The following FOXK1 variants were observed in gnomAD, a reference collection of about 807,000 sequenced individuals.
FOXK1 encodes the protein forkhead box K1, also known as forkhead box protein K1.
A neutral mutation model predicts 51.9 loss-of-function variants in FOXK1; 19 were observed. The observed-to-expected ratio is 0.37, with a 90% CI of 0.26 to 0.54. FOXK1 has a LOEUF of 0.54. Among genes scored for constraint, FOXK1 ranks in the 20% least tolerant of loss-of-function variants. FOXK1 has a pLI of 0.87. For synonymous variants in FOXK1, 537 were observed against 482.6 expected (o/e 1.11, Z -1.48); for missense variants, 870 against 1,032.7 (o/e 0.84, Z 2.16).
Position 4,707,659 on chromosome 7 carries a change from T to A in FOXK1, c.560+24791T>A, listed in dbSNP as rs756620751. On this transcript the variant is annotated intron_variant, in intron 1 of 8. Transcript: ENST00000328914. This position sits in a 1 kb window ranked among gnomAD's most constrained non-coding sequence, Gnocchi z 4.1. ...TTCCCCGGTGCCATTCGTATCTGAT[T>A]CATGCGTGTGCGACCAGTACTCCAT... 6.6e-6 allele frequency among the ~76,000 whole-genome samples: 1 copy of A among 151,854 alleles called. No individual in the cohort carries two copies. The highest frequency in any genetic ancestry group is 1.5e-5 in the Non-Finnish European group (1 of 67,998).
At chr7:4,726,229 G>A (rs1204778348) in intron 1 of FOXK1, among the ~76,000 whole-genome samples, 2 of 152,096 alleles carry the variant, frequency 1.3e-5, no homozygotes, top group African/African-American at 4.8e-5. Flanking sequence ...CTTGTTTTTG[G>A]CCTACGAATG....
In FOXK1 at chr7:4,753,976, G is replaced by A. The variant is rs1302412321; in HGVS notation, c.747-483G>A. On this transcript the variant is annotated intron_variant, in intron 2 of 8. Transcript: ENST00000328914. This position sits in a 1 kb window ranked among gnomAD's most constrained non-coding sequence, Gnocchi z 4.9. ...ACCTGCCACGCCTTCACCCTGCAGG[G>A]CGATGGCACCTCCACAGCCTCTTTC... 6.6e-6 allele frequency among the ~76,000 whole-genome samples: 1 copy of A among 152,202 alleles called. No individual in the cohort carries two copies. Among genetic ancestry groups the A allele is most frequent in the African/African-American group, 2.4e-5 (1 of 41,460 alleles).
rs138849769 is a variant in FOXK1 at position 4,711,981 on chromosome 7, G to A, written c.561-28857G>A. On this transcript the variant is annotated intron_variant, in intron 1 of 8. Transcript: ENST00000328914. This position sits in a 1 kb window ranked among gnomAD's most constrained non-coding sequence, Gnocchi z 6.3. ...TGCCGCCGAGCAGGAGGGAGGACGC[G>A]GCAGGTCACAGAGCCCACCAAGTCC... Among the ~76,000 whole-genome samples, 79 of 152,212 alleles carry A rather than the reference G, an allele frequency of 5.2e-4. 1 individual carries two copies. Among genetic ancestry groups the A allele is most frequent in the African/African-American group, 1.6e-3 (65 of 41,536 alleles).
Position 4,761,632 on chromosome 7 carries a change from G to A in FOXK1, c.1921+344G>A, listed in dbSNP as rs1186901061. Reference sequence around the variant, plus strand: ...TGGTCCCAGCTGCTTGGGAGAGTGAGGCTGTAGTCAGCTGTGATTGCTCCG... The same window carrying A: ...TGGTCCCAGCTGCTTGGGAGAGTGAAGCTGTAGTCAGCTGTGATTGCTCCG... On this transcript the variant is annotated intron_variant, in intron 8 of 8. Transcript: ENST00000328914. This position sits in a 1 kb window ranked among gnomAD's most constrained non-coding sequence, Gnocchi z 6.2. Among the ~76,000 whole-genome samples the A allele has an allele frequency of 6.6e-6, 1 of 152,074 alleles. No homozygotes were observed. Among genetic ancestry groups the A allele is most frequent in the Non-Finnish European group, 1.5e-5 (1 of 68,020 alleles).
chr7:4,759,870 A>C, intron 7 of FOXK1: 1 of 539,272 alleles, frequency 1.9e-6, no homozygotes, highest in East Asian at 3.2e-5. Context: ...GTCTCTACTG[A>C]AAATACAAAA....
At position 4,722,978 on chromosome 7, in the gene FOXK1, C is replaced by T. The variant is rs980874571; in HGVS notation, c.561-17860C>T. Among the ~76,000 whole-genome samples, 5 of 152,058 alleles carry T rather than the reference C, an allele frequency of 3.3e-5. No homozygotes were observed. The highest frequency in any genetic ancestry group is 5.9e-5 in the Non-Finnish European group (4 of 68,028). On this transcript the variant is annotated intron_variant, in intron 1 of 8. Transcript: ENST00000328914. The surrounding 1 kb of genome is among the most constrained non-coding windows in gnomAD (Gnocchi z 5.1). ...AGAACCCCCAGGAGCAGGTGGCCGACGCAGGCACCCTCAGATCTGAGATCC... is the reference window on the plus strand; with the variant it reads ...AGAACCCCCAGGAGCAGGTGGCCGATGCAGGCACCCTCAGATCTGAGATCC...
At position 4,722,809 on chromosome 7, in the gene FOXK1, G is replaced by A. The variant is rs935681978; in HGVS notation, c.561-18029G>A. 6.6e-6 allele frequency among the ~76,000 whole-genome samples: 1 copy of A among 152,144 alleles called. No individual in the cohort carries two copies. The highest frequency in any genetic ancestry group is 2.4e-5 in the African/African-American group (1 of 41,424). ...GCTGCCTTGGCCACAGGCCTCCACA[G>A]CCCTCTGCTGTGTCTGTGCACCTTC... On this transcript the variant is annotated intron_variant, in intron 1 of 8. Coordinates refer to ENST00000328914, the MANE Select transcript of FOXK1 (RefSeq NM_001037165.2). This position sits in a 1 kb window ranked among gnomAD's most constrained non-coding sequence, Gnocchi z 5.1.
intron 2 of FOXK1, among the ~76,000 whole-genome samples, chr7:4,741,771 A>G (rs1780636578): frequency 6.6e-6 from 1 of 152,240 alleles, no homozygotes; most frequent in South Asian, 2.1e-4. Flanking sequence ...CATCTCTGGC[A>G]TGTTATACAA....
intron 5 of FOXK1, 98 bp downstream of exon 5, chr7:4,757,285 G>C (rs61593588): frequency 9.2e-7 from 1 of 1,092,496 alleles, no homozygotes; most frequent in Non-Finnish European, 1.3e-6. Flanking sequence ...GGATCTGTGG[G>C]CTCAGGCTCA....
chr7:4,764,629 C>T lies in FOXK1; in HGVS notation c.*2165C>T, dbSNP rs898575836. The T allele has an allele frequency of 6.5e-6, 1 of 152,980 alleles. No individual in the cohort carries two copies. The allele number at this position is 152,980 out of a possible 1,614,324, so 9.5% of individuals were successfully genotyped here. ...TGTGTGGCCTGAGCCGGCGCCCTCC[C>T]GGGAGCGCCCGTCACGGGGGGCCTC... On this transcript the variant is annotated 3_prime_UTR_variant, in exon 9 of 9. Coordinates refer to ENST00000328914, the MANE Select transcript of FOXK1 (RefSeq NM_001037165.2).
In FOXK1 at chr7:4,734,162, A is replaced by G. The variant is rs187798252; in HGVS notation, c.561-6676A>G. On this transcript the variant is annotated intron_variant, in intron 1 of 8. Transcript: ENST00000328914. This position sits in a 1 kb window ranked among gnomAD's most constrained non-coding sequence, Gnocchi z 5.2. ...CGCGACTCCACAGCAGTTAGGAGACAGCAGATGCATTCCCAGAGCTCCTGA... is the reference window on the plus strand; with the variant it reads ...CGCGACTCCACAGCAGTTAGGAGACGGCAGATGCATTCCCAGAGCTCCTGA... Among the ~76,000 whole-genome samples, 53 of 152,340 alleles carry G rather than the reference A, an allele frequency of 3.5e-4. 1 individual carries two copies. The East Asian group carries it at 9.6e-3, about 28-fold the overall frequency.
At position 4,682,785 on chromosome 7, in the gene FOXK1, C is replaced by A. The variant is rs1364042128; in HGVS notation, c.477C>A (p.Tyr159Ter). ...TCAGCTTCCAGGAGCCGCACTTCTA[C>A]CTGCGCTGCCTCGGCAAGAACGGCG... ...LQLSFQEPHF[Y>*]LRCLGKNGVF... The change falls in exon 1 of 9, where the codon TAC becomes TAA. Residue 159 changes from tyrosine (Y) to a stop codon, truncating the protein, a stop_gained. Transcript: ENST00000328914. LOFTEE classifies it high-confidence loss of function. This position sits in a 1 kb window ranked among gnomAD's most constrained non-coding sequence, Gnocchi z 7.6. The A allele has an allele frequency of 6.3e-7, 1 of 1,592,568 alleles. No individual in the cohort carries two copies. Among genetic ancestry groups the A allele is most frequent in the Non-Finnish European group, 8.5e-7 (1 of 1,175,836 alleles).
intron 1 of FOXK1, among the ~76,000 whole-genome samples, chr7:4,728,751 AG>A (rs1780413339): frequency 1.3e-5 from 2 of 149,566 alleles, no homozygotes; most frequent in African/African-American, 2.5e-5. Context: ...AAAAAAAAAA[AG>A]AAAGAAAAGA....
chr7:4,684,903 G>C (rs929349277), intron 1 of FOXK1, among the ~76,000 whole-genome samples: 5 of 151,772 alleles, frequency 3.3e-5, no homozygotes, highest in Admixed American at 6.6e-5. Flanking sequence ...TAGCAAGCCT[G>C]TTATTTATGA....
In FOXK1 at chr7:4,735,489, C is replaced by G. The variant is rs1479599995; in HGVS notation, c.561-5349C>G. ...CCTGACTCTAGAAAGAACCCCCTAG[C>G]TCTTAGTCATTCTCCGTCCCCCCTG... On this transcript the variant is annotated intron_variant, in intron 1 of 8. Coordinates refer to ENST00000328914, the MANE Select transcript of FOXK1 (RefSeq NM_001037165.2). This position sits in a 1 kb window ranked among gnomAD's most constrained non-coding sequence, Gnocchi z 4.7. Among the ~76,000 whole-genome samples, 1 of 152,202 alleles carries G rather than the reference C, an allele frequency of 6.6e-6. No homozygotes were observed. Among genetic ancestry groups the G allele is most frequent in the East Asian group, 1.9e-4 (1 of 5,190 alleles).
chr7:4,714,439 C>T lies in FOXK1; in HGVS notation c.561-26399C>T, dbSNP rs534031607. The stretch of plus-strand genomic sequence containing the variant: ...GATTACAGGCGTGTGCCCCCATGCC[C>T]GGCTAATTTTTGTTTAGTAGAGACC... On this transcript the variant is annotated intron_variant, in intron 1 of 8. Coordinates refer to ENST00000328914, the MANE Select transcript of FOXK1 (RefSeq NM_001037165.2). 5.9e-5 allele frequency among the ~76,000 whole-genome samples: 9 copies of T among 152,252 alleles called. No individual in the cohort carries two copies. In the South Asian group the frequency reaches 6.2e-4, roughly 11 times the overall value.
chr7:4,740,450 A>T (rs566006045), intron 1 of FOXK1, among the ~76,000 whole-genome samples: 63 of 150,998 alleles, frequency 4.2e-4, no homozygotes, highest in Non-Finnish European at 4.6e-4. Flanking sequence ...AATAAATAAA[A>T]AATGCAAAAA....
In FOXK1 at chr7:4,761,242, C is replaced by A. The variant is rs761395734; in HGVS notation, c.1875C>A (p.Asn625Lys). 1.9e-6 allele frequency: 3 copies of A among 1,613,016 alleles called. No homozygotes were observed. Among genetic ancestry groups the A allele is most frequent in the African/African-American group, 1.3e-5 (1 of 74,938 alleles). ...TTCCAGTCCGGGCCGTGACCCAGAA[C>A]GGAAAGCATGCGGTTCCCACGAACA... ...HHLPVRAVTQNGKHAVPTNSL... is the reference protein window; with the variant it reads ...HHLPVRAVTQKGKHAVPTNSL... Residue 625 changes from asparagine (N) to lysine (K), a missense_variant, in exon 8 of 9, where the codon AAC (asparagine) becomes AAA (lysine). Around this residue, in one of 3 missense-constraint regions of FOXK1, gnomAD observed 457 missense variants for 510.8 expected, o/e 0.89. Transcript: ENST00000328914. This position sits in a 1 kb window ranked among gnomAD's most constrained non-coding sequence, Gnocchi z 6.2.
At chr7:4,721,275 C>T (rs1353170969) in intron 1 of FOXK1, among the ~76,000 whole-genome samples, 2 of 152,122 alleles carry the variant, frequency 1.3e-5, no homozygotes, top group African/African-American at 4.8e-5. Flanking sequence ...GCACAGGGGC[C>T]TTGGAAACCC....
Sources: gnomAD v4.1 joint callset for allele counts (sites outside exome capture counted in the v4.1 genomes callset) on GRCh38, gnomAD v4.1.1 for gene constraint, gnomAD v4.1.1 regional missense constraint, Gnocchi (gnomAD v3.1) non-coding constraint, MANE v1.5 for transcripts, NCBI Gene and HGNC (gene_info 2026-07-23, HGNC 2026-07-21) for gene names.